The following DAB1 variants were observed in gnomAD, a reference collection of about 807,000 sequenced individuals.
The protein encoded by DAB1 is disabled homolog 1.
In DAB1, 15 loss-of-function variants were observed where a neutral mutation model predicts 64.6. The ratio of observed to expected loss-of-function variants is 0.23; its 90% confidence interval spans 0.16 to 0.36. The LOEUF (loss-of-function observed/expected upper bound fraction) is 0.36, where lower values mean the gene tolerates loss of function less well. Ranked by LOEUF, DAB1 falls within the 10% of genes least tolerant of loss-of-function variation. The pLI is 1.00. For missense variants in DAB1, 596 were observed against 706.7 expected, an observed-to-expected ratio of 0.84 and a Z score of 1.78; for synonymous variants, 235 against 251.9, an observed-to-expected ratio of 0.93 and a Z score of 0.64.
intron 2 of DAB1, among the ~76,000 whole-genome samples, chr1:57,283,901 G>A (rs1006738283): frequency 6.6e-6 from 1 of 152,160 alleles, no homozygotes; most frequent in Non-Finnish European, 1.5e-5. Flanking sequence ...ACCAGGCTGT[G>A]GCCTGCCACC....
At chr1:57,857,936 A>G (rs1017344037) in intron 1 of DAB1, among the ~76,000 whole-genome samples, 13 of 149,244 alleles carry the variant, frequency 8.7e-5, no homozygotes, top group African/African-American at 3.3e-4. Flanking sequence ...TTTAAAAAGA[A>G]AGAAAAAAAA....
chr1:58,146,518 C>T (rs1037316769), intron 5 of DAB1, among the ~76,000 whole-genome samples: 2 of 152,122 alleles, frequency 1.3e-5, no homozygotes, highest in African/African-American at 4.8e-5. Context: ...CTCCCCTTCC[C>T]ACTCCTGGCA....
intron 2 of DAB1, among the ~76,000 whole-genome samples, chr1:57,210,230 G>A (rs560471774): frequency 3.3e-4 from 50 of 152,246 alleles, no homozygotes; most frequent in African/African-American, 1.1e-3. Context: ...GTTTGGGGAT[G>A]TAACATTTCC....
At chr1:57,669,606 C>A (rs1048421908) in intron 6 of DAB1, among the ~76,000 whole-genome samples, 1 of 152,140 alleles carries the variant, frequency 6.6e-6, no homozygotes, top group Non-Finnish European at 1.5e-5. Flanking sequence ...TGTATACTAG[C>A]AGCTGTCTGA....
intron 2 of DAB1, among the ~76,000 whole-genome samples, chr1:57,257,363 G>T (rs757244117): frequency 8.5e-5 from 13 of 152,212 alleles, no homozygotes; most frequent in Non-Finnish European, 1.9e-4. Flanking sequence ...ATTCTGCCAT[G>T]CTAACTGCAG....
intron 1 of DAB1, among the ~76,000 whole-genome samples, chr1:57,377,839 G>C (rs1037554170): frequency 1.3e-5 from 2 of 152,104 alleles, no homozygotes; most frequent in Non-Finnish European, 2.9e-5. Flanking sequence ...AACCCTGGGG[G>C]AGCTGTTACC....
chr1:58,111,777 T>C (rs958532030), intron 5 of DAB1, among the ~76,000 whole-genome samples: 5 of 152,174 alleles, frequency 3.3e-5, no homozygotes, highest in African/African-American at 7.2e-5. Context: ...ACTATCAATA[T>C]CATTCTCTCT....
intron 6 of DAB1, among the ~76,000 whole-genome samples, chr1:57,793,599 T>C (rs1247573994): frequency 6.6e-6 from 1 of 152,116 alleles, no homozygotes; most frequent in Non-Finnish European, 1.5e-5. Flanking sequence ...GCATGGCAAG[T>C]GTAGCATGCT....
chr1:57,996,007 C>G (rs1246093876), intron 5 of DAB1, among the ~76,000 whole-genome samples: 1 of 152,070 alleles, frequency 6.6e-6, no homozygotes, highest in Admixed American at 6.6e-5. Flanking sequence ...TCCTGTAATC[C>G]CAGCACTTTG....
chr1:57,786,078 C>T (rs1379838634), intron 6 of DAB1, among the ~76,000 whole-genome samples: 1 of 152,120 alleles, frequency 6.6e-6, no homozygotes, highest in Admixed American at 6.6e-5. Context: ...AAGAAGATCA[C>T]GACTCCTCTT....
intron 1 of DAB1, among the ~76,000 whole-genome samples, chr1:57,355,025 A>T (rs1424463): frequency 1.3e-5 from 2 of 151,868 alleles, no homozygotes; most frequent in African/African-American, 2.4e-5. Flanking sequence ...GGCCCAAAGA[A>T]AGAAACTTTA....
chr1:57,085,331 A>T lies in DAB1; in HGVS notation c.307-12917T>A, dbSNP rs191599214. On this transcript the variant is annotated intron_variant, in intron 4 of 14. Coordinates refer to ENST00000371236, the MANE Select transcript of DAB1 (RefSeq NM_001365792.1). ...TCCCTCCTTCCTGGCATAGATTTTC[A>T]TCTCTGTGCCAGACTTAGAGACAAC... Among the ~76,000 whole-genome samples, 7 of 152,272 alleles carry T rather than the reference A, an allele frequency of 4.6e-5. No homozygotes were observed. In the East Asian group the frequency reaches 9.7e-4, roughly 21 times the overall value.
intron 5 of DAB1, among the ~76,000 whole-genome samples, chr1:57,904,056 C>T (rs1177989595): frequency 6.6e-6 from 1 of 152,146 alleles, no homozygotes; most frequent in African/African-American, 2.4e-5. Flanking sequence ...ATGGTTATTT[C>T]CAGTTCCCCA....
intron 6 of DAB1, among the ~76,000 whole-genome samples, chr1:57,762,988 G>C (rs755188801): frequency 1.9e-4 from 29 of 152,180 alleles, no homozygotes; most frequent in Non-Finnish European, 3.4e-4. Context: ...TTCCCTAAGG[G>C]GCTCATATGG....
At chr1:58,388,856 A>C (rs903115071) in intron 3 of DAB1, among the ~76,000 whole-genome samples, 2 of 152,224 alleles carry the variant, frequency 1.3e-5, no homozygotes, top group African/African-American at 4.8e-5. Flanking sequence ...TAACCTATAG[A>C]CCTGGAGAAG....
chr1:57,810,569 AC>A (rs1441997571), intron 6 of DAB1, among the ~76,000 whole-genome samples: 1 of 152,100 alleles, frequency 6.6e-6, no homozygotes, highest in Non-Finnish European at 1.5e-5. Flanking sequence ...TCTGCCTATG[AC>A]CATCTGACCT....
chr1:57,828,031 C>T (rs1353091677), intron 1 of DAB1, among the ~76,000 whole-genome samples: 2 of 152,190 alleles, frequency 1.3e-5, no homozygotes, highest in Admixed American at 6.5e-5. Context: ...CTGCAAGCTC[C>T]GCCTCCCGGG....
chr1:58,390,122 A>C (rs1482558876), intron 3 of DAB1, among the ~76,000 whole-genome samples: 1 of 152,146 alleles, frequency 6.6e-6, no homozygotes, highest in African/African-American at 2.4e-5. Context: ...GGGAGAGCTG[A>C]GCTGAGAGCT....
intron 3 of DAB1, among the ~76,000 whole-genome samples, chr1:58,425,216 C>G (rs1196992850): frequency 6.6e-6 from 1 of 152,204 alleles, no homozygotes; most frequent in Non-Finnish European, 1.5e-5. Flanking sequence ...TCCAGAGAGC[C>G]TCTTTCATTC....
Sources: gnomAD v4.1 joint callset for allele counts (sites outside exome capture counted in the v4.1 genomes callset) on GRCh38, gnomAD v4.1.1 for gene constraint, MANE v1.5 for transcripts, NCBI Gene and HGNC (gene_info 2026-07-23, HGNC 2026-07-21) for gene names.